NXF1: variants seen among roughly 807,000 people sequenced by gnomAD.
The protein encoded by NXF1 is nuclear RNA export factor 1, also known as mRNA export factor TAP.
A neutral mutation model predicts 92.4 loss-of-function variants in NXF1; 43 were observed. That is an observed-to-expected ratio of 0.47 (90% CI 0.36 to 0.60). NXF1 has a LOEUF of 0.60. Among genes scored for constraint, NXF1 ranks in the 20% least tolerant of loss-of-function variants. NXF1 has a pLI of 0.00. For synonymous variants in NXF1, 288 were observed against 292.2 expected, an observed-to-expected ratio of 0.99 and a Z score of 0.15; for missense variants, 576 against 793.0, an observed-to-expected ratio of 0.73 and a Z score of 3.29.
rs200303541 is a variant in NXF1, at chr11:62,803,961, C to T, written c.46G>A (p.Val16Ile). 1.7e-5 allele frequency: 28 copies of T among 1,613,688 alleles called. No individual in the cohort carries two copies. The highest frequency in any genetic ancestry group is 3.3e-5 in the South Asian group (3 of 91,042). ...TTCTTCTTTCTTTGAGGGAAATTAA[C>T]GCGTTCATCATCGTGTTCTAGAGTT... The part of the protein sequence containing the change: ...KSYSEHDDER[V>I]NFPQRKKKGR... Residue 16 changes from valine (V) to isoleucine (I), a missense_variant, in exon 2 of 21, where the codon GTT becomes ATT. Coordinates refer to ENST00000294172, the MANE Select transcript of NXF1 (RefSeq NM_006362.5).
intron 13 of NXF1, chr11:62,796,818 C>G (rs1432025231): frequency 5.5e-6 from 3 of 546,492 alleles, no homozygotes; most frequent in Non-Finnish European, 9.8e-6. Flanking sequence ...CCTCTAATCC[C>G]AACACTTTGG....
rs148886422 is a variant in NXF1 at position 62,803,535 on chromosome 11, T to G, written c.253A>C (p.Thr85Pro). The change falls in exon 3 of 21, where the codon ACT (threonine) becomes CCT (proline). Residue 85 changes from threonine (T) to proline (P), a missense_variant. This residue lies in a region of NXF1 where 151 missense variants were observed against 157.8 expected (regional missense o/e 0.96). Coordinates refer to ENST00000294172, the MANE Select transcript of NXF1 (RefSeq NM_006362.5). ...YTTRPNRRGD[T>P]WHDRDRIHVT... The stretch of plus-strand genomic sequence containing the variant: ...TGAATGCGATCTCGATCATGCCAAG[T>G]ATCACCCCGACGGTTAGGTCGGGTG... 2.2e-5 allele frequency: 36 copies of G among 1,614,038 alleles called. No individual in the cohort carries two copies. The African/African-American group carries it at 4.5e-4, about 20-fold the overall frequency.
intron 10 of NXF1, chr11:62,798,937 C>G (rs985433109): frequency 1.9e-6 from 2 of 1,072,412 alleles, no homozygotes; most frequent in African/African-American, 1.7e-5. Context: ...CCAGGGGCTC[C>G]GCTGCCTCAC....
chr11:62,798,900 C>A, intron 10 of NXF1: 1 of 1,134,384 alleles, frequency 8.8e-7, no homozygotes, highest in Non-Finnish European at 1.1e-6. Flanking sequence ...CCTGTGCAGC[C>A]CCGGGAGGAG....
In NXF1 at chr11:62,803,901, C is replaced by G; in HGVS notation, c.106G>C (p.Gly36Arg). The change falls in exon 2 of 21, where the codon GGA becomes CGA. Residue 36 changes from glycine to arginine, a missense_variant. This residue lies in a region of NXF1 where 151 missense variants were observed against 157.8 expected (regional missense o/e 0.96). Transcript: ENST00000294172. Reference sequence around the variant, plus strand: ...CCGCCTCTTCCAGACCTACGGTTTCCTTCACCATATTTCCACCGGAAGGGA... The same window carrying G: ...CCGCCTCTTCCAGACCTACGGTTTCGTTCACCATATTTCCACCGGAAGGGA... ...RGPFRWKYGEGNRRSGRGGSG... is the reference protein window; with the variant it reads ...RGPFRWKYGERNRRSGRGGSG... The G allele has an allele frequency of 6.2e-7, 1 of 1,614,210 alleles. No homozygotes were observed. Among genetic ancestry groups the G allele is most frequent in the Non-Finnish European group, 8.5e-7 (1 of 1,180,042 alleles).
In NXF1 at chr11:62,802,029, T is replaced by C; in HGVS notation, c.471A>G (p.Thr157=). The change falls in exon 5 of 21, where the codon ACA becomes ACG. Residue 157 remains threonine, a synonymous_variant. Transcript: ENST00000294172. ...CGTCTTCAACGAAGAACTGGGCCCG[T>C]GTATTCTCATAGTGAAACTACAAGA... The part of the protein sequence containing the change: ...FTPIEFHYEN[T]RAQFFVEDAS... 1 of 1,614,156 alleles carries C rather than the reference T, an allele frequency of 6.2e-7. No individual in the cohort carries two copies.
rs750467601 is a variant in NXF1 at position 62,794,307 on chromosome 11, A to G, written c.1711T>C (p.Leu571=). 6.8e-6 allele frequency: 11 copies of G among 1,614,184 alleles called. No individual in the cohort carries two copies. The highest frequency in any genetic ancestry group is 9.3e-6 in the Non-Finnish European group (11 of 1,180,018). ...PTLSPEQQEM[L]QAFSTQSGMN... is the part of the protein sequence containing the mutation. Reference sequence around the variant, plus strand: ...CCAGACTGGGTAGAGAATGCTTGCAACATTTCCTGCTGCTCTGGAGAGAGG... The same window carrying G: ...CCAGACTGGGTAGAGAATGCTTGCAGCATTTCCTGCTGCTCTGGAGAGAGG... Residue 571 remains leucine (L), a synonymous_variant, in exon 19 of 21, where the codon TTG becomes CTG. Transcript: ENST00000294172.
chr11:62,793,557 G>T (rs1590948257), intron 19 of NXF1, among the ~76,000 whole-genome samples: 1 of 152,198 alleles, frequency 6.6e-6, no homozygotes, highest in Non-Finnish European at 1.5e-5. Context: ...TATGCCTGTA[G>T]TCCCAGCTAC....
chr11:62,804,581 TC>T (rs2134783950), intron 1 of NXF1, among the ~76,000 whole-genome samples: 1 of 152,138 alleles, frequency 6.6e-6, no homozygotes, highest in Admixed American at 6.6e-5. Flanking sequence ...TTAAAAAAGG[TC>T]CCTAACTCCC....
intron 1 of NXF1, chr11:62,804,322 C>A: frequency 1.4e-6 from 1 of 705,758 alleles, no homozygotes; most frequent in Admixed American, 3.3e-5. Context: ...TTTGTCTATA[C>A]AGTGCAGACG....
At chr11:62,794,235 T>G (rs771725816) in intron 19 of NXF1, 23 bp downstream of exon 19, 1 of 1,601,844 alleles carries the variant, frequency 6.2e-7, no homozygotes, top group Admixed American at 1.7e-5. Flanking sequence ...TGCATCCCCA[T>G]CCTACACATG....
Position 62,792,555 on chromosome 11 carries a change from GCCACTCAGCAACC to G in NXF1, c.1822-54_1822-42del, listed in dbSNP as rs538004425. ...GGTCAGTAGAGGTAGGCCTACCCTC[GCCACTCAGCAACC>G]CCACTCAGCTAACCTGACCTCCTGG... On this transcript the variant is annotated intron_variant, in intron 20 of 20. Coordinates refer to ENST00000294172, the MANE Select transcript of NXF1 (RefSeq NM_006362.5). The G allele has an allele frequency of 9.8e-4, 1,579 of 1,613,772 alleles. 3 individuals carry two copies. The highest frequency in any genetic ancestry group is 1.2e-3 in the Admixed American group (72 of 60,016).
At position 62,803,796 on chromosome 11, in the gene NXF1, G is replaced by T; in HGVS notation, c.211C>A (p.Arg71=). ...MSDAQDGPRV[R]YNPYTTRPNR... is the part of the protein sequence containing the mutation. ...CCAGACCAACTGGTCACTCACTATC[G>T]TACTCGGGGACCATCCTGGGCATCA... Residue 71 remains arginine (R), a synonymous_variant, in exon 2 of 21, where the codon CGA becomes AGA. Transcript: ENST00000294172. 1 of 1,613,566 alleles carries T rather than the reference G, an allele frequency of 6.2e-7. No individual in the cohort carries two copies. Among genetic ancestry groups the T allele is most frequent in the African/African-American group, 1.3e-5 (1 of 74,980 alleles).
chr11:62,796,628 G>C (rs1252868126), intron 13 of NXF1, 61 bp from the exon 14 acceptor site: 5 of 1,139,104 alleles, frequency 4.4e-6, no homozygotes, highest in Middle Eastern at 2.6e-4. Context: ...CAAGGACCCA[G>C]TAGCTCCCAA....
At chr11:62,795,236 G>A (rs991824719) in intron 17 of NXF1, 1 of 451,556 alleles carries the variant, frequency 2.2e-6, no homozygotes, top group African/African-American at 1.9e-5. Context: ...CCAGCACTTT[G>A]GGAGGCTGAG....
chr11:62,800,288 C>A, intron 10 of NXF1, 89 bp downstream of exon 10: 1 of 1,589,794 alleles, frequency 6.3e-7, no homozygotes, highest in Non-Finnish European at 8.6e-7. Context: ...GGCTGCACAT[C>A]TCCGCAGACG....
intron 11 of NXF1, among the ~76,000 whole-genome samples, chr11:62,797,831 G>A (rs531830903): frequency 4.7e-4 from 72 of 151,732 alleles, no homozygotes; most frequent in Admixed American, 6.6e-4. Flanking sequence ...ATCATGAAAA[G>A]TATCCAGGGA....
At position 62,798,790 on chromosome 11, in the gene NXF1, C is replaced by T. The variant is rs909507920; in HGVS notation, c.1017-215G>A. The T allele has an allele frequency of 1.9e-5, 26 of 1,374,398 alleles. No individual in the cohort carries two copies. The Admixed American group carries it at 3.5e-4, about 18-fold the overall frequency. The allele number at this position is 1,374,398 out of a possible 1,614,324, so 85.1% of individuals were successfully genotyped here. The stretch of plus-strand genomic sequence containing the variant: ...CTGCCTTGAAGGCTGTCTCTTTTCT[C>T]TCTGCCTGACCCTGAGTGTCAAGGA... On this transcript the variant is annotated intron_variant, in intron 10 of 20. Coordinates refer to ENST00000294172, the MANE Select transcript of NXF1 (RefSeq NM_006362.5).
chr11:62,803,639 C>T (rs2084503419), intron 2 of NXF1, 67 bp from the exon 3 acceptor site: 1 of 1,589,186 alleles, frequency 6.3e-7, no homozygotes, highest in Non-Finnish European at 8.6e-7. Context: ...CCTTCCTGCA[C>T]TGTTAGTGGG....
Sources: allele counts gnomAD v4.1 joint callset (sites outside exome capture counted in the v4.1 genomes callset), GRCh38; gene constraint gnomAD v4.1.1; regional missense constraint gnomAD v4.1.1; transcripts MANE v1.5; gene names NCBI Gene and HGNC (gene_info 2026-07-23, HGNC 2026-07-21).